Variants in CCR9 observed in about 807,000 individuals in gnomAD.
CCR9 encodes the protein C-C chemokine receptor type 9.
CCR9 carries 4 observed loss-of-function variants against 8.7 expected under a neutral mutation model. The ratio of observed to expected loss-of-function variants is 0.46; its 90% CI spans 0.23 to 1.06. The LOEUF (loss-of-function observed/expected upper bound fraction) is 1.06, where lower values mean the gene tolerates loss of function less well. Among genes scored for constraint, CCR9 ranks in the 50% least tolerant of loss-of-function variants. The pLI, the probability that CCR9 is intolerant of heterozygous loss-of-function variation, is 0.21. For missense variants in CCR9, 394 were observed against 453.6 expected, an observed-to-expected ratio of 0.87 and a Z score of 1.19; for synonymous variants, 159 against 168.8, an observed-to-expected ratio of 0.94 and a Z score of 0.45.
At chr3:45,898,633 T>C (rs1241198872) in intron 2 of CCR9, among the ~76,000 whole-genome samples, 2 of 152,216 alleles carry the variant, frequency 1.3e-5, no homozygotes, top group African/African-American at 2.4e-5. Flanking sequence ...ATTTTCCCAG[T>C]TGTCATCCAA....
intron 2 of CCR9, chr3:45,897,625 AC>A: frequency 2.0e-6 from 3 of 1,534,448 alleles, no homozygotes; most frequent in Non-Finnish European, 8.7e-7. Context: ...TCCTTCCAGG[AC>A]CTTAGCCCAG....
chr3:45,897,783 C>T (rs556141143), intron 2 of CCR9: 2 of 583,642 alleles, frequency 3.4e-6, no homozygotes, highest in Admixed American at 3.2e-5. Context: ...GTCTGTCTTC[C>T]TCTTAACATG....
At chr3:45,894,816 A>G in intron 1 of CCR9, 90 bp from the exon 2 acceptor site, 1 of 890,738 alleles carries the variant, frequency 1.1e-6, no homozygotes, top group Admixed American at 1.7e-5. Flanking sequence ...GAATAAGCAG[A>G]TTTAAAATTT....
intron 1 of CCR9, among the ~76,000 whole-genome samples, chr3:45,892,786 A>C (rs1055775187): frequency 3.3e-5 from 5 of 152,146 alleles, no homozygotes; most frequent in African/African-American, 1.2e-4. Context: ...TGATCTCTCA[A>C]GTTGGCTACA....
intron 2 of CCR9, among the ~76,000 whole-genome samples, chr3:45,897,142 C>G (rs945242418): frequency 2.6e-5 from 4 of 152,154 alleles, no homozygotes; most frequent in African/African-American, 9.7e-5. Context: ...TGGCTGTGCA[C>G]TGAGGTTTGT....
In CCR9 at chr3:45,895,079, G is replaced by A. The variant is rs1422017585; in HGVS notation, c.21+125G>A. 4.9e-6 allele frequency: 5 copies of A among 1,012,962 alleles called. No individual in the cohort carries two copies. In the African/African-American group the frequency reaches 7.9e-5, roughly 16 times the overall value. 62.7% of individuals were successfully genotyped at this position (1,012,962 alleles called of 1,614,324 possible). ...TGTGGTTTCCCAGGGTAAGATCTCTGCCTGGCAATGCGCATTGCTGGGTAG... is the reference window on the plus strand; with the variant it reads ...TGTGGTTTCCCAGGGTAAGATCTCTACCTGGCAATGCGCATTGCTGGGTAG... On this transcript the variant is annotated intron_variant, in intron 2 of 2. Coordinates refer to ENST00000357632, the MANE Select transcript of CCR9 (RefSeq NM_031200.3).
Position 45,901,499 on chromosome 3 carries a change from C to G in CCR9, c.711C>G (p.Ile237Met), listed in dbSNP as rs1395706481. 1 of 1,614,176 alleles carries G rather than the reference C, an allele frequency of 6.2e-7. No homozygotes were observed. ...TCATGGCTTGCTGCTATACCATCATCATTCACACCCTGATACAAGCCAAGA... is the reference window on the plus strand; with the variant it reads ...TCATGGCTTGCTGCTATACCATCATGATTCACACCCTGATACAAGCCAAGA... ...FVVMACCYTI[I>M]IHTLIQAKKS... The change falls in exon 3 of 3, where the codon ATC becomes ATG. Residue 237 changes from isoleucine (I) to methionine (M), a missense_variant. Physicochemically the swap from Ile to Met is conservative, Grantham distance 10. Coordinates refer to ENST00000357632, the MANE Select transcript of CCR9 (RefSeq NM_031200.3). The surrounding 1 kb of genome is among the most constrained non-coding windows in gnomAD (Gnocchi z 4.3).
At chr3:45,899,735 C>G (rs991533296) in intron 2 of CCR9, among the ~76,000 whole-genome samples, 1 of 152,108 alleles carries the variant, frequency 6.6e-6, no homozygotes, top group Non-Finnish European at 1.5e-5. Flanking sequence ...AGGAATGTAG[C>G]AGGCATGGCA....
In CCR9 at chr3:45,900,714, T is replaced by C; in HGVS notation, c.22-96T>C. On this transcript the variant is annotated intron_variant, in intron 2 of 2. Transcript: ENST00000357632. This position sits in a 1 kb window ranked among gnomAD's most constrained non-coding sequence, Gnocchi z 4.7. Reference sequence around the variant, plus strand: ...TGTCTTTGGCCTTATCATAGGTGTTTGGGGTTGGAAGGGTCAAGAGGTCCA... The same window carrying C: ...TGTCTTTGGCCTTATCATAGGTGTTCGGGGTTGGAAGGGTCAAGAGGTCCA... 7.9e-7 allele frequency: 1 copy of C among 1,260,246 alleles called. No homozygotes were observed. Among genetic ancestry groups the C allele is most frequent in the South Asian group, 1.4e-5 (1 of 69,866 alleles). The allele number at this position is 1,260,246 out of a possible 1,614,324, so 78.1% of individuals were successfully genotyped here.
At chr3:45,896,923 G>A (rs995883236) in intron 2 of CCR9, among the ~76,000 whole-genome samples, 1 of 152,338 alleles carries the variant, frequency 6.6e-6, no homozygotes, top group East Asian at 1.9e-4. Flanking sequence ...GTTTGGCTGA[G>A]GATTTCCAGA....
intron 1 of CCR9, among the ~76,000 whole-genome samples, chr3:45,890,291 A>ACAT: frequency 8.6e-6 from 1 of 116,746 alleles, no homozygotes; most frequent in African/African-American, 3.6e-5. Context: ...TATTTATATA[A>ACAT]ATATATATAT....
At position 45,903,043 on chromosome 3, in the gene CCR9, A is replaced by G. The variant is rs1384105731; in HGVS notation, c.*1145A>G. 1 of 167,146 alleles carries G rather than the reference A, an allele frequency of 6.0e-6. No homozygotes were observed. The highest frequency in any genetic ancestry group is 1.9e-4 in the East Asian group (1 of 5,206). The allele number at this position is 167,146 out of a possible 1,614,324, so 10.4% of individuals were successfully genotyped here. ...TTCTTATCATGATTTGGCAAAATGC[A>G]TCACCTTTGAAAATATTTCACATAT... On this transcript the variant is annotated 3_prime_UTR_variant, in exon 3 of 3. Coordinates refer to ENST00000357632, the MANE Select transcript of CCR9 (RefSeq NM_031200.3).
Position 45,900,446 on chromosome 3 carries a change from A to T in CCR9, c.22-364A>T, listed in dbSNP as rs755020147. Among the ~76,000 whole-genome samples, 1 of 152,210 alleles carries T rather than the reference A, an allele frequency of 6.6e-6. No individual in the cohort carries two copies. The highest frequency in any genetic ancestry group is 1.9e-4 in the East Asian group (1 of 5,204). Reference sequence around the variant, plus strand: ...TCACAGTTTGATAAAACTGCCCATCAGTAGTGTGGAGGCACTCTTACCCCA... The same window carrying T: ...TCACAGTTTGATAAAACTGCCCATCTGTAGTGTGGAGGCACTCTTACCCCA... On this transcript the variant is annotated intron_variant, in intron 2 of 2. Transcript: ENST00000357632. This position sits in a 1 kb window ranked among gnomAD's most constrained non-coding sequence, Gnocchi z 4.7.
rs566987940 is a variant in CCR9 at position 45,900,717 on chromosome 3, G to T, written c.22-93G>T. Reference sequence around the variant, plus strand: ...CTTTGGCCTTATCATAGGTGTTTGGGGTTGGAAGGGTCAAGAGGTCCATGC... The same window carrying T: ...CTTTGGCCTTATCATAGGTGTTTGGTGTTGGAAGGGTCAAGAGGTCCATGC... On this transcript the variant is annotated intron_variant, in intron 2 of 2. Transcript: ENST00000357632. This position sits in a 1 kb window ranked among gnomAD's most constrained non-coding sequence, Gnocchi z 4.7. The T allele has an allele frequency of 1.1e-5, 14 of 1,302,716 alleles. No homozygotes were observed. The South Asian group carries it at 1.1e-4, about 10-fold the overall frequency. The allele number at this position is 1,302,716 out of a possible 1,614,324, so 80.7% of individuals were successfully genotyped here. A position where few individuals can be genotyped will look rare whatever the true frequency, so the allele number is the denominator to read the frequency against.
In CCR9 at chr3:45,901,705, C is replaced by A. The variant is rs1436672837; in HGVS notation, c.917C>A (p.Ala306Asp). ...TGCTTCCAGGTCACCCAGACCATCG[C>A]CTTCTTCCACAGTTGCCTGAACCCT... ...DICFQVTQTI[A>D]FFHSCLNPVL... Residue 306 changes from alanine to aspartate, a missense_variant, in exon 3 of 3, where the codon GCC (alanine) becomes GAC (aspartate). By Grantham distance (126) the Ala-to-Asp change is moderately radical (BLOSUM62 -2). Transcript: ENST00000357632. The surrounding 1 kb of genome is among the most constrained non-coding windows in gnomAD (Gnocchi z 4.3). 1.9e-6 allele frequency: 3 copies of A among 1,614,182 alleles called. No homozygotes were observed. The highest frequency in any genetic ancestry group is 2.5e-6 in the Non-Finnish European group (3 of 1,179,984).
intron 1 of CCR9, among the ~76,000 whole-genome samples, chr3:45,890,346 A>AT (rs374089134): frequency 9.4e-3 from 177 of 18,924 alleles, no homozygotes; most frequent in African/African-American, 0.021. Flanking sequence ...ACATATATAT[A>AT]TAACATATAT....
At chr3:45,890,352 T>TATATATAAC (rs1702137974) in intron 1 of CCR9, among the ~76,000 whole-genome samples, 2 of 16,170 alleles carry the variant, frequency 1.2e-4, no homozygotes, top group Non-Finnish European at 1.3e-4. Flanking sequence ...ATATATAACA[T>TATATATAAC]ATATATATAT....
intron 2 of CCR9, chr3:45,897,532 G>C (rs1207641975): frequency 6.8e-7 from 1 of 1,474,228 alleles, no homozygotes; most frequent in African/African-American, 1.4e-5. Context: ...TGGGATTTCT[G>C]CACAATTTCT....
intron 1 of CCR9, among the ~76,000 whole-genome samples, chr3:45,887,660 A>G (rs777204563): frequency 4.6e-5 from 7 of 152,208 alleles, no homozygotes; most frequent in Admixed American, 1.3e-4. Context: ...CTAATTTACT[A>G]TTTCAGCATC....
Sources: allele counts gnomAD v4.1 joint callset (sites outside exome capture counted in the v4.1 genomes callset), GRCh38; gene constraint gnomAD v4.1.1; non-coding constraint Gnocchi (gnomAD v3.1); transcripts MANE v1.5; gene names NCBI Gene and HGNC (gene_info 2026-07-23, HGNC 2026-07-21).